The following RCN1 variants were observed in gnomAD, a reference collection of about 807,000 sequenced individuals.
The protein encoded by RCN1 is reticulocalbin-1.
A neutral mutation model predicts 34.7 loss-of-function variants in RCN1; 14 were observed. The ratio of observed to expected loss-of-function variants is 0.40; its 90% CI spans 0.27 to 0.63. RCN1 has a LOEUF of 0.63. Among genes scored for constraint, RCN1 ranks in the 30% least tolerant of loss-of-function variants. The pLI is 0.37. For synonymous variants in RCN1, 125 were observed against 165.5 expected (o/e 0.76, Z 1.88); for missense variants, 326 against 425.1 (o/e 0.77, Z 2.05).
intron 4 of RCN1, 81 bp from the exon 5 acceptor site, chr11:32,103,200 G>C: frequency 7.9e-7 from 1 of 1,272,316 alleles, no homozygotes; most frequent in Middle Eastern, 1.9e-4. Context: ...TAAAGCTCAG[G>C]AGGTCAAGTT....
At chr11:32,092,072 G>C (rs1851928230) in intron 1 of RCN1, among the ~76,000 whole-genome samples, 1 of 151,902 alleles carries the variant, frequency 6.6e-6, no homozygotes, top group African/African-American at 2.4e-5. Context: ...GAGGCGGGGG[G>C]AGGGGTGGGG....
At chr11:32,100,454 A>G in intron 3 of RCN1, 94 bp from the exon 4 acceptor site, 2 of 991,524 alleles carry the variant, frequency 2.0e-6, no homozygotes, top group African/African-American at 1.6e-5. Context: ...CCAAGCATTC[A>G]GCCGTAAAAG....
chr11:32,102,428 A>G (rs1379715679), intron 4 of RCN1: 1 of 152,172 alleles, frequency 6.6e-6, no homozygotes, highest in Non-Finnish European at 1.5e-5. Flanking sequence ...TACCTGCTTC[A>G]TTCACCACCT....
intron 3 of RCN1, 68 bp from the exon 4 acceptor site, chr11:32,100,480 C>A: frequency 7.8e-7 from 1 of 1,273,890 alleles, no homozygotes; most frequent in Non-Finnish European, 1.1e-6. Flanking sequence ...CAAATGAGGA[C>A]AATAGAATTC....
Position 32,097,166 on chromosome 11 carries a change from A to G in RCN1, c.277A>G (p.Asn93Asp). Residue 93 changes from asparagine (N) to aspartate (D), a missense_variant, in exon 2 of 6, where the codon AAT becomes GAT. Asn to Asp is a conservative substitution (Grantham distance 23). Coordinates refer to ENST00000054950, the MANE Select transcript of RCN1 (RefSeq NM_002901.4). ...RLGKIVDRID[N>D]DGDGFVTTEE... ...CAGGAAGATTGTTGATCGAATCGAC[A>G]ATGATGGGGATGGCTTTGTCACTAC... 1.3e-6 allele frequency: 2 copies of G among 1,545,700 alleles called. No individual in the cohort carries two copies. The highest frequency in any genetic ancestry group is 1.7e-6 in the Non-Finnish European group (2 of 1,154,578).
At chr11:32,098,131 C>G (rs1851993655) in intron 2 of RCN1, among the ~76,000 whole-genome samples, 1 of 152,208 alleles carries the variant, frequency 6.6e-6, no homozygotes. Context: ...TAACCACTTG[C>G]AGTAATTCCC....
At chr11:32,100,515 A>G in intron 3 of RCN1, 33 bp from the exon 4 acceptor site, 1 of 1,571,504 alleles carries the variant, frequency 6.4e-7, no homozygotes, top group Non-Finnish European at 8.8e-7. Flanking sequence ...GCACATGGCC[A>G]TCTTGCATTC....
Position 32,100,993 on chromosome 11 carries a change from A to G in RCN1, c.688+385A>G, listed in dbSNP as rs555126841. On this transcript the variant is annotated intron_variant, in intron 4 of 5. Transcript: ENST00000054950. ...AAGCCTCTAAAACTGGACTGGGTCA[A>G]TGGAGCCTAGAAACTCTGAGTAGAT... 4.2e-4 allele frequency among the ~76,000 whole-genome samples: 64 copies of G among 152,364 alleles called. 1 individual carries two copies. Among genetic ancestry groups the G allele is most frequent in the African/African-American group, 1.4e-3 (58 of 41,578 alleles).
At chr11:32,103,156 T>G in intron 4 of RCN1, 125 bp from the exon 5 acceptor site, 136 of 761,000 alleles carry the variant, frequency 1.8e-4, no homozygotes, top group East Asian at 3.4e-4. Context: ...ACCAGCTGTT[T>G]GAGTTAGGTC....
At chr11:32,094,946 T>A (rs1053635151) in intron 1 of RCN1, among the ~76,000 whole-genome samples, 1 of 152,236 alleles carries the variant, frequency 6.6e-6, no homozygotes, top group Non-Finnish European at 1.5e-5. Context: ...CAACAAATAT[T>A]TATTGAGTCC....
rs1173667664 is a variant in RCN1, at chr11:32,100,437, G to T, written c.628-111G>T. 7 of 853,424 alleles carry T rather than the reference G, an allele frequency of 8.2e-6. No individual in the cohort carries two copies. The Admixed American group carries it at 1.3e-4, about 16-fold the overall frequency. 52.9% of individuals were successfully genotyped at this position (853,424 alleles called of 1,614,324 possible). On this transcript the variant is annotated intron_variant, in intron 3 of 5. Coordinates refer to ENST00000054950, the MANE Select transcript of RCN1 (RefSeq NM_002901.4). ...CCCAGGGAAGTAAGGCGATGAGCCA[G>T]AAGTCACCAAGCATTCAGCCGTAAA...
In RCN1 at chr11:32,104,495, A is replaced by C; in HGVS notation, c.*23A>C. On this transcript the variant is annotated 3_prime_UTR_variant, in exon 6 of 6. Coordinates refer to ENST00000054950, the MANE Select transcript of RCN1 (RefSeq NM_002901.4). ...TGATAGACACTCACCAGAATATGGC[A>C]GACTGTCATAGGCATTCTGTTATTG... 3 of 1,115,142 alleles carry C rather than the reference A, an allele frequency of 2.7e-6. No individual in the cohort carries two copies. Among genetic ancestry groups the C allele is most frequent in the Non-Finnish European group, 4.1e-6 (3 of 730,950 alleles). 69.1% of individuals were successfully genotyped at this position (1,115,142 alleles called of 1,614,324 possible). A position where few individuals can be genotyped will look rare whatever the true frequency, so the allele number is the denominator to read the frequency against.
At chr11:32,104,162 T>G (rs1044443933) in intron 5 of RCN1, among the ~76,000 whole-genome samples, 7 of 152,218 alleles carry the variant, frequency 4.6e-5, no homozygotes, top group African/African-American at 1.7e-4. Flanking sequence ...CCTGACACGT[T>G]AGCACGGTTT....
chr11:32,091,281 G>A lies in RCN1; in HGVS notation c.85G>A (p.Ala29Thr), dbSNP rs1490932977. 5.2e-6 allele frequency: 8 copies of A among 1,542,544 alleles called. No homozygotes were observed. The highest frequency in any genetic ancestry group is 2.5e-5 in the East Asian group (1 of 40,522). ...ALVLAPRVLR[A>T]KPTVRKERVV... The stretch of plus-strand genomic sequence containing the variant: ...GGTGCTGGCGCCGCGGGTTCTGCGG[G>A]CCAAGCCCACGGTGCGCAAAGAGCG... Residue 29 changes from alanine to threonine, a missense_variant, in exon 1 of 6, where the codon GCC (alanine) becomes ACC (threonine). Transcript: ENST00000054950.
At chr11:32,097,519 G>T (rs1851987177) in intron 2 of RCN1, among the ~76,000 whole-genome samples, 182 bp downstream of exon 2, 1 of 152,102 alleles carries the variant, frequency 6.6e-6, no homozygotes. Flanking sequence ...TACACTGAAT[G>T]AAGTTACAGG....
rs1426264304 is a variant in RCN1, at chr11:32,105,282, C to T, written c.*810C>T. On this transcript the variant is annotated 3_prime_UTR_variant, in exon 6 of 6. Transcript: ENST00000054950. ...AGTGAATAGGAATACAATGCATTTC[C>T]TCAGTGATCACTGATTAGAATGAGT... 1 of 164,496 alleles carries T rather than the reference C, an allele frequency of 6.1e-6. No individual in the cohort carries two copies. Among genetic ancestry groups the T allele is most frequent in the East Asian group, 1.9e-4 (1 of 5,196 alleles). 10.2% of individuals were successfully genotyped at this position (164,496 alleles called of 1,614,324 possible). A position where few individuals can be genotyped will look rare whatever the true frequency, so the allele number is the denominator to read the frequency against.
chr11:32,091,179 C>T lies in RCN1; in HGVS notation c.-18C>T. 1 of 1,406,304 alleles carries T rather than the reference C, an allele frequency of 7.1e-7. No individual in the cohort carries two copies. The highest frequency in any genetic ancestry group is 9.2e-7 in the Non-Finnish European group (1 of 1,086,654). 87.1% of individuals were successfully genotyped at this position (1,406,304 alleles called of 1,614,324 possible). A position where few individuals can be genotyped will look rare whatever the true frequency, so the allele number is the denominator to read the frequency against. ...GCTCGCTCAGCGTCTCCCTCTCGGC[C>T]GCCCTCTCCTCGGGACGATGGCGCG... is the stretch of plus-strand genomic sequence containing the variant. On this transcript the variant is annotated 5_prime_UTR_variant, in exon 1 of 6. Coordinates refer to ENST00000054950, the MANE Select transcript of RCN1 (RefSeq NM_002901.4).
intron 4 of RCN1, 70 bp from the exon 5 acceptor site, chr11:32,103,211 T>A (rs1054444886): frequency 3.5e-6 from 5 of 1,427,068 alleles, no homozygotes; most frequent in Non-Finnish European, 9.9e-7. Flanking sequence ...AGGTCAAGTT[T>A]GTTTTATGGG....
intron 1 of RCN1, 123 bp downstream of exon 1, chr11:32,091,573 G>C (rs1218335638): frequency 7.7e-6 from 10 of 1,299,086 alleles, no homozygotes; most frequent in Non-Finnish European, 1.0e-5. Flanking sequence ...CTCGAGGATG[G>C]GGCCCTGCCC....
Sources: gnomAD v4.1 joint callset for allele counts (sites outside exome capture counted in the v4.1 genomes callset) on GRCh38, gnomAD v4.1.1 for gene constraint, MANE v1.5 for transcripts, NCBI Gene and HGNC (gene_info 2026-07-23, HGNC 2026-07-21) for gene names.